Variants in TMC1 observed in about 807,000 individuals in gnomAD.
TMC1 encodes the protein transmembrane channel-like protein 1.
Under a neutral mutation model 105.8 loss-of-function variants are expected in TMC1, and 84 were observed. The observed-to-expected ratio is 0.79, with a 90% confidence interval of 0.67 to 0.95. The LOEUF (loss-of-function observed/expected upper bound fraction) is 0.95. TMC1 is among the 40% of genes least tolerant of loss of function. The probability of loss-of-function intolerance (pLI) is 0.00; values close to 1 mark genes in which losing one functional copy is unlikely to be tolerated. For missense variants in TMC1, 817 were observed against 914.1 expected (o/e 0.89, Z 1.37); for synonymous variants, 315 against 311.5 (o/e 1.01, Z -0.12).
At chr9:72,636,422 C>T (rs946524302) in intron 4 of TMC1, among the ~76,000 whole-genome samples, 5 of 152,086 alleles carry the variant, frequency 3.3e-5, no homozygotes, top group African/African-American at 4.8e-5. Flanking sequence ...TCTATCCAGG[C>T]GTGATGGCTC....
intron 1 of TMC1, among the ~76,000 whole-genome samples, chr9:72,523,077 A>G (rs1013604826): frequency 6.6e-6 from 1 of 152,246 alleles, no homozygotes; most frequent in Admixed American, 6.5e-5. Context: ...GGAGAAACAG[A>G]TAAGACAGAA....
At chr9:72,549,279 T>A (rs188924211) in intron 1 of TMC1, among the ~76,000 whole-genome samples, 45 of 152,270 alleles carry the variant, frequency 3.0e-4, no homozygotes, top group South Asian at 1.2e-3. Flanking sequence ...TGTGTGTGTG[T>A]GAGAATGGAG....
chr9:72,567,281 T>C (rs974137182), intron 1 of TMC1, among the ~76,000 whole-genome samples: 2 of 152,236 alleles, frequency 1.3e-5, no homozygotes, highest in African/African-American at 4.8e-5. Context: ...TACTTGTCTG[T>C]ATTCTTCACT....
intron 22 of TMC1, 42 bp downstream of exon 22, chr9:72,830,571 T>C (rs1270168318): frequency 1.2e-6 from 2 of 1,601,260 alleles, no homozygotes; most frequent in Non-Finnish European, 1.7e-6. Context: ...TCTTTATTAA[T>C]GTCAAGCAGT....
intron 3 of TMC1, among the ~76,000 whole-genome samples, chr9:72,622,729 T>C (rs1216782559): frequency 6.6e-6 from 1 of 152,124 alleles, no homozygotes; most frequent in African/African-American, 2.4e-5. Flanking sequence ...ATTATTCCCT[T>C]GGTGAGGTGA....
At chr9:72,777,301 C>T (rs1364567918) in intron 13 of TMC1, among the ~76,000 whole-genome samples, 1 of 152,068 alleles carries the variant, frequency 6.6e-6, no homozygotes, top group Non-Finnish European at 1.5e-5. Flanking sequence ...CATTTTCCCA[C>T]CCCCAATTAA....
chr9:72,549,751 C>T (rs975986728), intron 1 of TMC1, among the ~76,000 whole-genome samples: 5 of 152,050 alleles, frequency 3.3e-5, no homozygotes, highest in African/African-American at 1.2e-4. Flanking sequence ...GCTGGGACTA[C>T]AGGCATGTGC....
chr9:72,806,913 G>A (rs540022500), intron 18 of TMC1, among the ~76,000 whole-genome samples: 2 of 152,316 alleles, frequency 1.3e-5, no homozygotes, highest in South Asian at 2.1e-4. Flanking sequence ...CAAGGCAGGC[G>A]GCTGGGAGGT....
intron 8 of TMC1, among the ~76,000 whole-genome samples, chr9:72,719,512 T>C (rs934461005): frequency 6.6e-6 from 1 of 152,192 alleles, no homozygotes; most frequent in Non-Finnish European, 1.5e-5. Flanking sequence ...CCTTTCCCAC[T>C]TTTGCAGTTT....
chr9:72,592,208 C>G (rs932980888), intron 2 of TMC1, among the ~76,000 whole-genome samples: 1 of 152,148 alleles, frequency 6.6e-6, no homozygotes, highest in African/African-American at 2.4e-5. Flanking sequence ...ATTCAGGAGA[C>G]AGCCCTACAG....
chr9:72,832,661 T>A (rs1296892671), intron 23 of TMC1, among the ~76,000 whole-genome samples: 1 of 152,166 alleles, frequency 6.6e-6, no homozygotes, highest in East Asian at 1.9e-4. Flanking sequence ...TTGGTTTTGT[T>A]GCCTTCTTTA....
chr9:72,557,773 C>T (rs1823968224), intron 1 of TMC1, among the ~76,000 whole-genome samples: 1 of 152,186 alleles, frequency 6.6e-6, no homozygotes, highest in Non-Finnish European at 1.5e-5. Context: ...AGTCATTTGC[C>T]TGTGGCATTG....
At chr9:72,723,830 G>A (rs1234359190) in intron 8 of TMC1, among the ~76,000 whole-genome samples, 2 of 152,170 alleles carry the variant, frequency 1.3e-5, no homozygotes, top group Non-Finnish European at 2.9e-5. Flanking sequence ...AGTTATGCAT[G>A]TACCATTTTA....
intron 8 of TMC1, among the ~76,000 whole-genome samples, chr9:72,715,690 TCA>T (rs1175898502): frequency 6.6e-6 from 1 of 151,836 alleles, no homozygotes; most frequent in Non-Finnish European, 1.5e-5. Flanking sequence ...TAGCTTCTTT[TCA>T]TTGGGTTAGA....
intron 5 of TMC1, among the ~76,000 whole-genome samples, chr9:72,678,888 TC>T (rs1425385588): frequency 6.6e-6 from 1 of 152,114 alleles, no homozygotes. Flanking sequence ...TAAATTCTTT[TC>T]TTTATTCTAA....
chr9:72,623,059 A>AC (rs1554716310), intron 3 of TMC1, among the ~76,000 whole-genome samples: 3 of 151,080 alleles, frequency 2.0e-5, no homozygotes, highest in African/African-American at 7.3e-5. Context: ...CTCAAAAAAA[A>AC]AAACAAACAA....
At chr9:72,533,009 A>G (rs1039817619) in intron 1 of TMC1, among the ~76,000 whole-genome samples, 2 of 152,196 alleles carry the variant, frequency 1.3e-5, no homozygotes, top group Non-Finnish European at 2.9e-5. Flanking sequence ...TCTGCCATAA[A>G]ATGATGGCTT....
chr9:72,802,944 A>G lies in TMC1; in HGVS notation c.1567-2438A>G, dbSNP rs142991491. 4.8e-3 allele frequency among the ~76,000 whole-genome samples: 724 copies of G among 152,284 alleles called. 5 individuals carry two copies. The highest frequency in any genetic ancestry group is 0.016 in the African/African-American group (644 of 41,546). ...AACTGAGAAAATCCAAAGCAAATAG[A>G]ACAAAACAGGAGGTGTCACACTACC... On this transcript the variant is annotated intron_variant, in intron 17 of 23. Coordinates refer to ENST00000297784, the MANE Select transcript of TMC1 (RefSeq NM_138691.3).
intron 1 of TMC1, among the ~76,000 whole-genome samples, chr9:72,558,035 T>C (rs190728075): frequency 6.6e-6 from 1 of 152,294 alleles, no homozygotes; most frequent in Admixed American, 6.5e-5. Context: ...TCCCTGGCAC[T>C]GTAAGGGCAG....
Sources: gnomAD v4.1 joint callset for allele counts (sites outside exome capture counted in the v4.1 genomes callset) on GRCh38, gnomAD v4.1.1 for gene constraint, MANE v1.5 for transcripts, NCBI Gene and HGNC (gene_info 2026-07-23, HGNC 2026-07-21) for gene names.